Variants in DNAH11 observed in about 807,000 individuals in gnomAD.
DNAH11 encodes the protein axonemal beta dynein heavy chain 11.
A neutral mutation model predicts 526.0 loss-of-function variants in DNAH11; 442 were observed. The ratio of observed to expected loss-of-function variants is 0.84; its 90% CI spans 0.78 to 0.91. The LOEUF is 0.91. Ranked by LOEUF, DNAH11 falls within the 40% of genes least tolerant of loss-of-function variation. The pLI, the probability that DNAH11 is intolerant of heterozygous loss-of-function variation, is 0.00. For missense variants in DNAH11, 6,989 were observed against 5,448.7 expected (o/e 1.28, Z -8.90); for synonymous variants, 2,461 against 1,935.9 (o/e 1.27, Z -7.12).
chr7:21,601,280 G>C (rs1322983111), intron 17 of DNAH11, 101 bp downstream of exon 17: 1 of 1,444,448 alleles, frequency 6.9e-7, no homozygotes, highest in Non-Finnish European at 9.3e-7. Context: ...TTTCATGATA[G>C]AGATAAATGT....
At chr7:21,802,292 T>A (rs1276266794) in intron 62 of DNAH11, among the ~76,000 whole-genome samples, 1 of 152,148 alleles carries the variant, frequency 6.6e-6, no homozygotes, top group East Asian at 1.9e-4. Context: ...AAGATACCAC[T>A]TCATAACCAC....
rs369725974 is a variant in DNAH11, at chr7:21,762,297, A to G, written c.8941-3131A>G. On this transcript the variant is annotated intron_variant, in intron 54 of 81. Coordinates refer to ENST00000409508, the MANE Select transcript of DNAH11 (RefSeq NM_001277115.2). ...GGTTGAACAAATATGGTTCAGATAC[A>G]GTATTTTCTAACACATTCCTAAGAT... Among the ~76,000 whole-genome samples the G allele has an allele frequency of 1.5e-4, 23 of 152,362 alleles. No individual in the cohort carries two copies. In the South Asian group the frequency reaches 4.8e-3, roughly 32 times the overall value.
Position 21,659,008 on chromosome 7 carries a change from C to T in DNAH11, c.5305C>T (p.Leu1769=), listed in dbSNP as rs1782135227. 2 of 1,600,370 alleles carry T rather than the reference C, an allele frequency of 1.2e-6. No homozygotes were observed. Among genetic ancestry groups the T allele is most frequent in the Non-Finnish European group, 8.5e-7 (1 of 1,174,232 alleles). ...SRLEEGYETA[L]KDFHKKQISQ... is the part of the protein sequence containing the mutation. ...ACTGGAAGAAGGCTACGAAACAGCC[C>T]TGAAGGATTTCCATAAAAAACAGGT... The change falls in exon 30 of 82, where the codon CTG becomes TTG. Residue 1769 remains leucine, a synonymous_variant. Coordinates refer to ENST00000409508, the MANE Select transcript of DNAH11 (RefSeq NM_001277115.2).
rs1311863081 is a variant in DNAH11 at position 21,687,203 on chromosome 7, C to T, written c.5726C>T (p.Ala1909Val). Reference sequence around the variant, plus strand: ...GAGACCACCAAAGACCTAGGACGTGCCCTTGGCATGATGGTCTATGTATTC... The same window carrying T: ...GAGACCACCAAAGACCTAGGACGTGTCCTTGGCATGATGGTCTATGTATTC... ...KTETTKDLGR[A>V]LGMMVYVFNC... Residue 1909 changes from alanine to valine, a missense_variant, in exon 33 of 82, where the codon GCC becomes GTC. Physicochemically the swap from Ala to Val is moderately conservative, Grantham distance 64. Transcript: ENST00000409508. The T allele has an allele frequency of 1.9e-6, 3 of 1,608,682 alleles. No individual in the cohort carries two copies. The highest frequency in any genetic ancestry group is 2.5e-6 in the Non-Finnish European group (3 of 1,177,742).
intron 43 of DNAH11, among the ~76,000 whole-genome samples, chr7:21,719,898 G>A (rs993096877): frequency 2.6e-5 from 4 of 152,130 alleles, no homozygotes; most frequent in Non-Finnish European, 4.4e-5. Context: ...AATTAATGAC[G>A]ACTTTCTGTG....
At chr7:21,802,237 C>T (rs1789026506) in intron 62 of DNAH11, among the ~76,000 whole-genome samples, 1 of 152,188 alleles carries the variant, frequency 6.6e-6, no homozygotes, top group South Asian at 2.1e-4. Context: ...TGAAAAGATG[C>T]TCAACTCCAT....
intron 76 of DNAH11, among the ~76,000 whole-genome samples, chr7:21,888,325 T>C (rs919259149): frequency 9.2e-5 from 14 of 152,160 alleles, no homozygotes; most frequent in Non-Finnish European, 1.8e-4. Context: ...TTACCAACAC[T>C]ACTTGGAGAG....
At chr7:21,890,443 GT>G (rs1468556422) in intron 76 of DNAH11, among the ~76,000 whole-genome samples, 1 of 152,148 alleles carries the variant, frequency 6.6e-6, no homozygotes, top group African/African-American at 2.4e-5. Context: ...AGTGGTTTTG[GT>G]TTTGGTCAGT....
intron 57 of DNAH11, among the ~76,000 whole-genome samples, chr7:21,782,842 G>T (rs10249289): frequency 6.6e-6 from 1 of 151,276 alleles, no homozygotes; most frequent in South Asian, 2.1e-4. Context: ...TCCAGGAGGC[G>T]GAGGTTGCAG....
chr7:21,581,736 C>T (rs917150538), intron 8 of DNAH11, among the ~76,000 whole-genome samples, 169 bp from the exon 9 acceptor site: 2 of 151,882 alleles, frequency 1.3e-5, no homozygotes, highest in East Asian at 3.9e-4. Context: ...CACAGTCAGT[C>T]AGATATAGCT....
intron 5 of DNAH11, among the ~76,000 whole-genome samples, chr7:21,563,124 T>A (rs970498921): frequency 6.6e-6 from 1 of 152,182 alleles, no homozygotes; most frequent in African/African-American, 2.4e-5. Flanking sequence ...AGAGAAAACT[T>A]TGGATTCAAT....
At chr7:21,784,649 T>A in intron 58 of DNAH11, 109 bp downstream of exon 58, 1 of 713,884 alleles carries the variant, frequency 1.4e-6, no homozygotes, top group Non-Finnish European at 2.2e-6. Context: ...AAAAGTATTT[T>A]AAAAGGAAAG....
At chr7:21,827,845 A>G (rs1790375513) in intron 65 of DNAH11, among the ~76,000 whole-genome samples, 1 of 152,164 alleles carries the variant, frequency 6.6e-6, no homozygotes, top group African/African-American at 2.4e-5. Flanking sequence ...GATCTATTCA[A>G]ATGAGGACTT....
At position 21,564,244 on chromosome 7, in the gene DNAH11, G is replaced by T. The variant is rs758621530; in HGVS notation, c.1041G>T (p.Gln347His). The T allele has an allele frequency of 1.2e-6, 2 of 1,613,046 alleles. No individual in the cohort carries two copies. The highest frequency in any genetic ancestry group is 1.7e-4 in the Middle Eastern group (1 of 6,054). ...TGAGACCTCTGAGGAGACACATCCA[G>T]TGTCTCCAGGAGACGGAATTCCCAC... is the stretch of plus-strand genomic sequence containing the variant. ...LYLRPLRRHI[Q>H]CLQETEFPQT... The change falls in exon 6 of 82, where the codon CAG (glutamine) becomes CAT (histidine). Residue 347 changes from glutamine to histidine, a missense_variant. Coordinates refer to ENST00000409508, the MANE Select transcript of DNAH11 (RefSeq NM_001277115.2).
intron 76 of DNAH11, among the ~76,000 whole-genome samples, chr7:21,886,399 G>A (rs1583812542): frequency 6.6e-6 from 1 of 152,182 alleles, no homozygotes; most frequent in Admixed American, 6.5e-5. Flanking sequence ...ATGTGGAACA[G>A]TTTGGAGACA....
chr7:21,565,059 C>T (rs952538834), intron 6 of DNAH11, among the ~76,000 whole-genome samples: 2 of 152,158 alleles, frequency 1.3e-5, no homozygotes, highest in African/African-American at 2.4e-5. Context: ...TTATTTGGAA[C>T]CACTTAGTCT....
rs1281533435 is a variant in DNAH11, at chr7:21,789,805, CTTTTTTCT to C, written c.10026+466_10026+473del. 1.8e-4 allele frequency among the ~76,000 whole-genome samples: 11 copies of C among 59,694 alleles called. No homozygotes were observed. The Admixed American group carries it at 2.1e-3, about 12-fold the overall frequency. 39.2% of individuals were successfully genotyped at this position (59,694 alleles called of 152,430 possible). On this transcript the variant is annotated intron_variant, in intron 61 of 81. Transcript: ENST00000409508. ...TCTTTCTTTCTTTCTTTCTTTCTTTCTTTTTTCTTTCTTTCTTTCTTTCTTTCTTTCTT... is the reference window on the plus strand; with the variant it reads ...TCTTTCTTTCTTTCTTTCTTTCTTTCTTCTTTCTTTCTTTCTTTCTTTCTT...
intron 7 of DNAH11, 116 bp from the exon 8 acceptor site, chr7:21,571,687 TGTC>T: frequency 1.8e-6 from 1 of 550,518 alleles, no homozygotes. Flanking sequence ...ATTTATTTTC[TGTC>T]ATTTTCTGTC....
At chr7:21,817,519 CAAAAAAAAAAA>C (rs10532841) in intron 64 of DNAH11, among the ~76,000 whole-genome samples, 2 of 86,438 alleles carry the variant, frequency 2.3e-5, no homozygotes, top group South Asian at 4.5e-4. Flanking sequence ...CCATCTCTAC[CAAAAAAAAAAA>C]AAAAAAAAAA....
Sources: gnomAD v4.1 joint callset for allele counts (sites outside exome capture counted in the v4.1 genomes callset) on GRCh38, gnomAD v4.1.1 for gene constraint, MANE v1.5 for transcripts, NCBI Gene and HGNC (gene_info 2026-07-23, HGNC 2026-07-21) for gene names.